Variants in XYLB observed in about 807,000 individuals in gnomAD.
The protein encoded by XYLB is xylulokinase.
Under a neutral mutation model 78.7 loss-of-function variants are expected in XYLB, and 62 were observed. The observed-to-expected ratio is 0.79, with a 90% CI of 0.64 to 0.97. The LOEUF is 0.97. Ranked by LOEUF, XYLB falls within the 50% of genes least tolerant of loss-of-function variation. The probability of loss-of-function intolerance (pLI) is 0.00; values close to 1 mark genes in which losing one functional copy is unlikely to be tolerated. For synonymous variants in XYLB, 245 were observed against 247.4 expected, an observed-to-expected ratio of 0.99 and a Z score of 0.09; for missense variants, 687 against 676.8, an observed-to-expected ratio of 1.02 and a Z score of -0.17.
chr3:38,417,270 T>C (rs1012954981), downstream of XYLB, among the ~76,000 whole-genome samples: 1 of 152,026 alleles, frequency 6.6e-6, no homozygotes, highest in Non-Finnish European at 1.5e-5. Context: ...ACCCCATCTC[T>C]ACAAAAATTA....
chr3:38,430,942 G>A, the XYLB span, among the ~76,000 whole-genome samples: 2 of 152,206 alleles, frequency 1.3e-5, no homozygotes, highest in Non-Finnish European at 2.9e-5. Flanking sequence ...GTACCATCCT[G>A]TTTTGGCTAC....
At chr3:38,444,769 G>A in the XYLB span, among the ~76,000 whole-genome samples, 330 of 152,236 alleles carry the variant, frequency 2.2e-3, 2 homozygotes, top group African/African-American at 6.9e-3. Context: ...AGAAAAAACC[G>A]CCCATGGTTT....
intron 7 of XYLB, 104 bp from the exon 8 acceptor site, chr3:38,368,081 A>C: frequency 1.3e-5 from 14 of 1,049,836 alleles, no homozygotes; most frequent in Middle Eastern, 2.1e-4. Context: ...CAAAGTTTCC[A>C]CTTCCCTCTC....
Position 38,376,950 on chromosome 3 carries a change from G to A in XYLB, c.1153G>A (p.Glu385Lys), listed in dbSNP as rs1471936639. 6.2e-7 allele frequency: 1 copy of A among 1,614,106 alleles called. No individual in the cohort carries two copies. Among genetic ancestry groups the A allele is most frequent in the African/African-American group, 1.3e-5 (1 of 75,032 alleles). The change falls in exon 14 of 19, where the codon GAA becomes AAA. Residue 385 changes from glutamate to lysine, a missense_variant. Physicochemically the swap from Glu to Lys is moderately conservative, Grantham distance 56. Transcript: ENST00000207870. ...TTTTGATGTAATGGAGATCACCCCTGAAATTATTGGACGTCATAGGTTTAA... is the reference window on the plus strand; with the variant it reads ...TTTTGATGTAATGGAGATCACCCCTAAAATTATTGGACGTCATAGGTTTAA... ...FYFDVMEITP[E>K]IIGRHRFNTE...
chr3:38,398,641 T>TCTGCCTGCCTGCCTGCCTGC (rs544081780), intron 17 of XYLB, among the ~76,000 whole-genome samples: 1 of 149,432 alleles, frequency 6.7e-6, no homozygotes, highest in African/African-American at 2.5e-5. Flanking sequence ...TACCTATGAG[T>TCTGCCTGCCTGCCTGCCTGC]CTGCCTGCCT....
intron 15 of XYLB, among the ~76,000 whole-genome samples, chr3:38,395,047 G>C (rs927942537): frequency 2.6e-5 from 4 of 152,188 alleles, no homozygotes; most frequent in Admixed American, 2.6e-4. Flanking sequence ...GTTCTATTGG[G>C]TATACAAGTC....
chr3:38,384,126 G>T (rs2268752), intron 15 of XYLB, among the ~76,000 whole-genome samples: 1 of 152,116 alleles, frequency 6.6e-6, no homozygotes, highest in Non-Finnish European at 1.5e-5. Flanking sequence ...GAGTGCAGTG[G>T]TGTGATCTTG....
At chr3:38,422,495 G>A (rs571102192), downstream of XYLB, among the ~76,000 whole-genome samples, 7 of 152,314 alleles carry the variant, frequency 4.6e-5, no homozygotes, top group Non-Finnish European at 8.8e-5. Flanking sequence ...AGATACAGGA[G>A]CGGACGTTTC....
At chr3:38,420,802 T>G (rs375965477), downstream of XYLB, among the ~76,000 whole-genome samples, 13 of 152,264 alleles carry the variant, frequency 8.5e-5, no homozygotes, top group East Asian at 2.1e-3. Flanking sequence ...AGGCCTTAAA[T>G]AAACTGGCCA....
chr3:38,435,692 G>A, the XYLB span, among the ~76,000 whole-genome samples: 1 of 152,094 alleles, frequency 6.6e-6, no homozygotes, highest in Non-Finnish European at 1.5e-5. Flanking sequence ...CATATGTTAG[G>A]CCACAAAACA....
In XYLB at chr3:38,362,989, A is replaced by G. The variant is rs757488152; in HGVS notation, c.263A>G (p.Gln88Arg). ...KMKASGFDFS[Q>R]VLALSGAGQQ... is the part of the protein sequence containing the mutation. ...AAGGCTTCGGGCTTCGACTTCTCTC[A>G]AGTCCTAGCCTTGTCCGGGGCGGGC... Residue 88 changes from glutamine (Q) to arginine (R), a missense_variant, in exon 4 of 19, where the codon CAA (glutamine) becomes CGA (arginine). By Grantham distance (43) the Gln-to-Arg change is conservative. Transcript: ENST00000207870. 2.5e-6 allele frequency: 4 copies of G among 1,576,454 alleles called. No homozygotes were observed. The highest frequency in any genetic ancestry group is 1.4e-5 in the African/African-American group (1 of 73,442).
At chr3:38,418,473 A>G (rs1398741880), downstream of XYLB, among the ~76,000 whole-genome samples, 1 of 152,206 alleles carries the variant, frequency 6.6e-6, no homozygotes, top group Non-Finnish European at 1.5e-5. Context: ...CTGCACAAAG[A>G]CACAATTCCA....
At chr3:38,443,895 AAC>A in the XYLB span, among the ~76,000 whole-genome samples, 2 of 152,146 alleles carry the variant, frequency 1.3e-5, no homozygotes, top group African/African-American at 4.8e-5. Flanking sequence ...GTCCTTCTAG[AAC>A]ACAGGTCAAC....
chr3:38,378,529 C>G (rs747482309), intron 14 of XYLB, among the ~76,000 whole-genome samples: 3 of 152,162 alleles, frequency 2.0e-5, no homozygotes, highest in Non-Finnish European at 4.4e-5. Context: ...GTGGGGTGAT[C>G]AAGCCTGGGC....
At chr3:38,376,094 C>T (rs1479166265) in intron 12 of XYLB, 23 bp from the exon 13 acceptor site, 1 of 1,531,686 alleles carries the variant, frequency 6.5e-7, no homozygotes, top group Non-Finnish European at 9.0e-7. Flanking sequence ...CTCCCTCCCT[C>T]AGAGCTATGC....
At chr3:38,392,059 G>A (rs1707680016) in intron 15 of XYLB, among the ~76,000 whole-genome samples, 1 of 152,066 alleles carries the variant, frequency 6.6e-6, no homozygotes, top group Non-Finnish European at 1.5e-5. Context: ...CTTTAGCTTG[G>A]GGACAAACAC....
intron 2 of XYLB, among the ~76,000 whole-genome samples, chr3:38,357,631 C>T (rs1705731026): frequency 6.6e-6 from 1 of 152,162 alleles, no homozygotes. Flanking sequence ...TGTGATCCGC[C>T]CGCCTCGGCC....
chr3:38,418,535 G>A (rs751475311), downstream of XYLB, among the ~76,000 whole-genome samples: 5 of 152,092 alleles, frequency 3.3e-5, no homozygotes, highest in African/African-American at 9.7e-5. Flanking sequence ...TGATAACAGC[G>A]AAGTACTTGG....
intron 6 of XYLB, 91 bp downstream of exon 6, chr3:38,365,827 G>C: frequency 6.9e-7 from 1 of 1,459,596 alleles, no homozygotes; most frequent in South Asian, 1.4e-5. Flanking sequence ...GATCACATGA[G>C]GTCATGGAGG....
Sources: gnomAD v4.1 joint callset for allele counts (sites outside exome capture counted in the v4.1 genomes callset) on GRCh38, gnomAD v4.1.1 for gene constraint, MANE v1.5 for transcripts, NCBI Gene and HGNC (gene_info 2026-07-23, HGNC 2026-07-21) for gene names.